The following DLGAP4 variants were observed in gnomAD, a reference collection of about 807,000 sequenced individuals.
The protein encoded by DLGAP4 is DLG associated protein 4, also known as disks large-associated protein 4.
In DLGAP4, 18 loss-of-function variants were observed where a neutral mutation model predicts 86.9. The ratio of observed to expected loss-of-function variants is 0.21; its 90% CI spans 0.14 to 0.31. The LOEUF (loss-of-function observed/expected upper bound fraction) is 0.31, where lower values mean the gene tolerates loss of function less well. DLGAP4 is among the 10% of genes least tolerant of loss of function. The pLI is 1.00. For missense variants in DLGAP4, 1,085 were observed against 1,362.6 expected (o/e 0.80, Z 3.21); for synonymous variants, 548 against 574.3 (o/e 0.95, Z 0.65).
intron 2 of DLGAP4, among the ~76,000 whole-genome samples, chr20:36,411,013 CAG>C (rs1452685273): frequency 1.3e-5 from 2 of 151,928 alleles, no homozygotes; most frequent in South Asian, 2.1e-4. Context: ...TTTTTTGAGA[CAG>C]AGTCTTGTTC....
intron 10 of DLGAP4, among the ~76,000 whole-genome samples, chr20:36,501,346 G>A (rs903107186): frequency 3.9e-5 from 6 of 152,184 alleles, no homozygotes; most frequent in African/African-American, 1.2e-4. Flanking sequence ...GATTACAGGC[G>A]TGAGCCACCA....
intron 7 of DLGAP4, among the ~76,000 whole-genome samples, chr20:36,463,894 A>C (rs951893953): frequency 6.6e-6 from 1 of 152,204 alleles, no homozygotes; most frequent in East Asian, 1.9e-4. Context: ...CTTGTCTTAC[A>C]GATGAAGAGA....
intron 7 of DLGAP4, among the ~76,000 whole-genome samples, chr20:36,487,792 G>T (rs376189124): frequency 6.6e-6 from 1 of 152,118 alleles, no homozygotes; most frequent in African/African-American, 2.4e-5. Context: ...AACAAAATTG[G>T]CATGGGCCCA....
At chr20:36,421,910 T>C (rs964872214) in intron 2 of DLGAP4, among the ~76,000 whole-genome samples, 5 of 152,012 alleles carry the variant, frequency 3.3e-5, no homozygotes, top group African/African-American at 9.7e-5. Context: ...ATAGGTGGTG[T>C]TTAAGGCCAT....
intron 7 of DLGAP4, among the ~76,000 whole-genome samples, chr20:36,456,804 C>G (rs2033890215): frequency 6.6e-6 from 1 of 152,238 alleles, no homozygotes; most frequent in Non-Finnish European, 1.5e-5. Context: ...GATTGAGACT[C>G]TTGAGACAAG....
At chr20:36,526,757 C>CACAAAACGTGGCACCTTTATTTTAT in intron 12 of DLGAP4, 56 bp from the exon 13 acceptor site, 1 of 1,491,668 alleles carries the variant, frequency 6.7e-7, no homozygotes. Flanking sequence ...GGTAGTGCCA[C>CACAAAACGTGGCACCTTTATTTTAT]ACAAAACGTG....
chr20:36,323,085 G>A (rs2065184477), intron 1 of DLGAP4, among the ~76,000 whole-genome samples: 1 of 151,120 alleles, frequency 6.6e-6, no homozygotes, highest in African/African-American at 2.4e-5. Context: ...GGCTGAGGTG[G>A]GAGGATCGCT....
intron 1 of DLGAP4, among the ~76,000 whole-genome samples, 186 bp from the exon 2 acceptor site, chr20:36,366,859 G>A (rs2030705908): frequency 6.6e-6 from 1 of 152,144 alleles, no homozygotes; most frequent in Non-Finnish European, 1.5e-5. Flanking sequence ...AAAACAATGT[G>A]GGTGCTCACA....
At chr20:36,405,620 G>A (rs1426730189) in intron 2 of DLGAP4, among the ~76,000 whole-genome samples, 3 of 152,016 alleles carry the variant, frequency 2.0e-5, no homozygotes, top group Non-Finnish European at 4.4e-5. Context: ...AGGCTGGAGC[G>A]GGCTGGGGAC....
chr20:36,386,068 C>A (rs2031584320), intron 2 of DLGAP4, among the ~76,000 whole-genome samples: 1 of 152,128 alleles, frequency 6.6e-6, no homozygotes, highest in Non-Finnish European at 1.5e-5. Context: ...GGGGCCTCGG[C>A]ACCACCAGCC....
intron 2 of DLGAP4, among the ~76,000 whole-genome samples, chr20:36,404,146 A>G (rs1035416563): frequency 6.6e-5 from 10 of 152,214 alleles, no homozygotes; most frequent in African/African-American, 1.9e-4. Flanking sequence ...GCTGGCTATC[A>G]CAAATTGGAC....
intron 1 of DLGAP4, among the ~76,000 whole-genome samples, chr20:36,328,489 T>A (rs1295257777): frequency 2.0e-5 from 3 of 151,672 alleles, no homozygotes; most frequent in South Asian, 2.1e-4. Context: ...TTTTTTTTTT[T>A]AAATAAAGTC....
At chr20:36,435,029 G>A (rs2033232255) in intron 3 of DLGAP4, among the ~76,000 whole-genome samples, 1 of 152,092 alleles carries the variant, frequency 6.6e-6, no homozygotes, top group South Asian at 2.1e-4. Context: ...ATGTCCAGAG[G>A]GAGGGTAGTG....
intron 3 of DLGAP4, among the ~76,000 whole-genome samples, chr20:36,434,988 T>C (rs1244166956): frequency 4.0e-5 from 6 of 151,856 alleles, no homozygotes; most frequent in African/African-American, 1.5e-4. Flanking sequence ...CGTTGAGATG[T>C]GTGTCCACAG....
intron 7 of DLGAP4, among the ~76,000 whole-genome samples, chr20:36,460,040 G>A (rs2033983065): frequency 6.6e-6 from 1 of 152,242 alleles, no homozygotes; most frequent in Non-Finnish European, 1.5e-5. Flanking sequence ...CCCAGAGAGG[G>A]AAAGGGACTT....
Position 36,447,906 on chromosome 20 carries a change from G to GT in DLGAP4, c.1648+969_1648+970insT, listed in dbSNP as rs1289873501. Among the ~76,000 whole-genome samples the GT allele has an allele frequency of 1.9e-4, 25 of 129,396 alleles. 1 individual carries two copies. In the South Asian group the frequency reaches 3.8e-3, roughly 20 times the overall value. The allele number at this position is 129,396 out of a possible 152,430, so 84.9% of individuals were successfully genotyped here. On this transcript the variant is annotated intron_variant, in intron 7 of 12. Transcript: ENST00000339266. Reference sequence around the variant, plus strand: ...ACCAGGGCCTATCAGGGGGGTGGGGGGGGGGGAGACAAGGGGAGGGAGAGC... The same window carrying GT: ...ACCAGGGCCTATCAGGGGGGTGGGGGTGGGGGGAGACAAGGGGAGGGAGAGC...
chr20:36,418,307 T>G (rs2032723373), intron 2 of DLGAP4, among the ~76,000 whole-genome samples: 1 of 150,980 alleles, frequency 6.6e-6, no homozygotes. Context: ...GAGACAGAGT[T>G]TCACCATGTT....
intron 6 of DLGAP4, 50 bp from the exon 7 acceptor site, chr20:36,446,647 C>T (rs760988289): frequency 2.6e-6 from 4 of 1,548,616 alleles, no homozygotes; most frequent in Non-Finnish European, 2.6e-6. Flanking sequence ...CCGCTCCCCC[C>T]AGGATGGGCA....
chr20:36,436,291 G>T lies in DLGAP4; in HGVS notation c.1182G>T (p.Arg394=). The part of the protein sequence containing the change: ...SPKPSPKTAA[R]RQSYLRATQQ... ...AGCCCTCACCCAAGACCGCGGCGCGGCGCCAGAGCTATCTGAGGGCCACGC... is the reference window on the plus strand; with the variant it reads ...AGCCCTCACCCAAGACCGCGGCGCGTCGCCAGAGCTATCTGAGGGCCACGC... The change falls in exon 4 of 13, where the codon CGG becomes CGT. Residue 394 remains arginine, a synonymous_variant. Coordinates refer to ENST00000339266, the MANE Select transcript of DLGAP4 (RefSeq NM_001365621.2). 6.2e-7 allele frequency: 1 copy of T among 1,604,682 alleles called. No homozygotes were observed. The highest frequency in any genetic ancestry group is 8.5e-7 in the Non-Finnish European group (1 of 1,179,086).
Sources: gnomAD v4.1 joint callset for allele counts (sites outside exome capture counted in the v4.1 genomes callset) on GRCh38, gnomAD v4.1.1 for gene constraint, MANE v1.5 for transcripts, NCBI Gene and HGNC (gene_info 2026-07-23, HGNC 2026-07-21) for gene names.